SPAG16: variants seen among roughly 807,000 people sequenced by gnomAD.
SPAG16 encodes the protein sperm associated antigen 16, also known as sperm-associated antigen 16 protein.
SPAG16 carries 86 observed loss-of-function variants against 80.4 expected under a neutral mutation model. The ratio of observed to expected loss-of-function variants is 1.07; its 90% confidence interval spans 0.90 to 1.28. The LOEUF is 1.28. SPAG16 is among the 50% of genes most tolerant of loss of function. SPAG16 has a pLI of 0.00. For missense variants in SPAG16, 870 were observed against 765.3 expected (o/e 1.14, Z -1.61); for synonymous variants, 294 against 265.9 (o/e 1.11, Z -1.03).
chr2:213,646,223 C>T (rs916544986), intron 10 of SPAG16, among the ~76,000 whole-genome samples: 4 of 152,088 alleles, frequency 2.6e-5, no homozygotes, highest in African/African-American at 9.7e-5. Flanking sequence ...GAGTGCTCAC[C>T]TGATTTCTGG....
intron 10 of SPAG16, among the ~76,000 whole-genome samples, chr2:213,734,721 T>C (rs1231041454): frequency 3.9e-5 from 6 of 152,210 alleles, no homozygotes; most frequent in Admixed American, 3.9e-4. Flanking sequence ...GACATGTTTT[T>C]TTTTGGTATG....
intron 10 of SPAG16, among the ~76,000 whole-genome samples, chr2:213,736,227 G>A (rs1349513332): frequency 2.0e-5 from 3 of 152,020 alleles, no homozygotes; most frequent in Non-Finnish European, 4.4e-5. Flanking sequence ...AAAATGTTTT[G>A]GGATTATCAT....
At chr2:213,531,571 C>T (rs995342937) in intron 10 of SPAG16, among the ~76,000 whole-genome samples, 1 of 152,052 alleles carries the variant, frequency 6.6e-6, no homozygotes, top group Admixed American at 6.6e-5. Flanking sequence ...GTTTTCCAGG[C>T]TTTTGCACAG....
intron 10 of SPAG16, among the ~76,000 whole-genome samples, chr2:213,538,022 G>T (rs2076309711): frequency 6.6e-6 from 1 of 152,078 alleles, no homozygotes; most frequent in Non-Finnish European, 1.5e-5. Context: ...AAGAATGTTT[G>T]CTCTACTTTT....
At chr2:214,057,320 T>A (rs1257899231) in intron 13 of SPAG16, among the ~76,000 whole-genome samples, 1 of 152,148 alleles carries the variant, frequency 6.6e-6, no homozygotes. Flanking sequence ...AGGATGGATG[T>A]TGTGTTATCA....
chr2:213,768,052 TTA>T (rs1197913106), intron 10 of SPAG16, among the ~76,000 whole-genome samples: 1 of 152,094 alleles, frequency 6.6e-6, no homozygotes, highest in Non-Finnish European at 1.5e-5. Context: ...TTTTAAGATC[TTA>T]TCCCCAAATT....
intron 15 of SPAG16, chr2:214,238,591 A>G (rs1181345068): frequency 2.6e-5 from 4 of 151,020 alleles, no homozygotes; most frequent in Non-Finnish European, 5.9e-5. Flanking sequence ...TGTTAAATTA[A>G]CATTATTGCT....
chr2:214,326,291 C>T (rs1178554759), intron 15 of SPAG16, among the ~76,000 whole-genome samples: 2 of 152,084 alleles, frequency 1.3e-5, no homozygotes, highest in African/African-American at 4.8e-5. Flanking sequence ...GCAGCCAAAG[C>T]CAAGGAAGGC....
At chr2:213,494,829 G>A (rs2074410736) in intron 10 of SPAG16, among the ~76,000 whole-genome samples, 1 of 152,078 alleles carries the variant, frequency 6.6e-6, no homozygotes, top group African/African-American at 2.4e-5. Flanking sequence ...TCTCCTCAAT[G>A]ACACCAGTCT....
At chr2:214,281,332 T>C (rs1692916737) in intron 15 of SPAG16, 1 of 207,178 alleles carries the variant, frequency 4.8e-6, no homozygotes, top group African/African-American at 2.3e-5. Context: ...TATTTATTTT[T>C]ATCCTGTATC....
chr2:213,316,229 T>A (rs1349156376), intron 4 of SPAG16, among the ~76,000 whole-genome samples: 2 of 151,976 alleles, frequency 1.3e-5, no homozygotes, highest in African/African-American at 4.8e-5. Flanking sequence ...TGGCTATCTG[T>A]TGCTCAGCCA....
intron 15 of SPAG16, among the ~76,000 whole-genome samples, chr2:214,365,524 A>C (rs1236431328): frequency 6.6e-6 from 1 of 152,152 alleles, no homozygotes; most frequent in South Asian, 2.1e-4. Context: ...TAAATAGAAG[A>C]GAATGCATGC....
intron 13 of SPAG16, among the ~76,000 whole-genome samples, chr2:214,105,130 A>G (rs2053314290): frequency 6.6e-6 from 1 of 152,080 alleles, no homozygotes; most frequent in South Asian, 2.1e-4. Context: ...AACATAGGCA[A>G]TGTAGTTAGT....
At chr2:214,129,759 A>C (rs960336985) in intron 14 of SPAG16, among the ~76,000 whole-genome samples, 5 of 152,146 alleles carry the variant, frequency 3.3e-5, no homozygotes, top group African/African-American at 1.2e-4. Flanking sequence ...CAACTTTTAT[A>C]TTATCTTTCA....
chr2:214,319,200 C>CCACACACACACACACACATA (rs1695913990), intron 15 of SPAG16, among the ~76,000 whole-genome samples: 1 of 142,242 alleles, frequency 7.0e-6, no homozygotes, highest in Non-Finnish European at 1.5e-5. Context: ...CACACACACA[C>CCACACACACACACACACATA]CACACACACA....
In SPAG16 at chr2:213,897,814, T is replaced by A. The variant is rs564917679; in HGVS notation, c.1215-32146T>A. Among the ~76,000 whole-genome samples, 3 of 152,308 alleles carry A rather than the reference T, an allele frequency of 2.0e-5. No individual in the cohort carries two copies. In the South Asian group the frequency reaches 6.2e-4, roughly 32 times the overall value. On this transcript the variant is annotated intron_variant, in intron 11 of 15. Coordinates refer to ENST00000331683, the MANE Select transcript of SPAG16 (RefSeq NM_024532.5). The stretch of plus-strand genomic sequence containing the variant: ...GATTGCCCAGTGGGGTTCACATTTA[T>A]TCTGCTCATAAAATCCCATCTTTTC...
intron 11 of SPAG16, among the ~76,000 whole-genome samples, chr2:213,919,096 T>C (rs935557346): frequency 4.1e-4 from 63 of 152,290 alleles, no homozygotes; most frequent in African/African-American, 1.5e-3. Flanking sequence ...CCATTGATTA[T>C]TTGGATTAAT....
intron 10 of SPAG16, among the ~76,000 whole-genome samples, chr2:213,547,514 C>A (rs1341834210): frequency 6.6e-6 from 1 of 152,062 alleles, no homozygotes; most frequent in African/African-American, 2.4e-5. Context: ...ATTCTAATAT[C>A]ATTTTAACCT....
At chr2:214,257,173 T>A (rs1690750177) in intron 15 of SPAG16, among the ~76,000 whole-genome samples, 1 of 151,922 alleles carries the variant, frequency 6.6e-6, no homozygotes, top group Non-Finnish European at 1.5e-5. Flanking sequence ...TATATAGAAT[T>A]CTCTAATTTT....
Sources: allele counts gnomAD v4.1 joint callset (sites outside exome capture counted in the v4.1 genomes callset), GRCh38; gene constraint gnomAD v4.1.1; transcripts MANE v1.5; gene names NCBI Gene and HGNC (gene_info 2026-07-23, HGNC 2026-07-21).